Variants in PIN4 observed in about 807,000 individuals in gnomAD.
The protein encoded by PIN4 is peptidylprolyl cis/trans isomerase, NIMA-interacting 4.
Under a neutral mutation model 8.3 loss-of-function variants are expected in PIN4, and 3 were observed. That is an observed-to-expected ratio of 0.36 (90% CI 0.16 to 0.93). The LOEUF (loss-of-function observed/expected upper bound fraction) is 0.93. Ranked by LOEUF, PIN4 falls within the 40% of genes least tolerant of loss-of-function variation. The pLI is 0.44. For synonymous variants in PIN4, 18 were observed against 32.5 expected (o/e 0.55, Z 1.52); for missense variants, 75 against 100.6 (o/e 0.75, Z 1.09).
chrX:72,205,793 A>C, intron 3 of PIN4: 1 of 1,211,203 alleles, frequency 8.3e-7, no homozygotes, highest in African/African-American at 1.7e-5. Flanking sequence ...CTATGCACAA[A>C]CCCTGCTCTG....
intron 3 of PIN4, chrX:72,207,420 T>C (rs1437428725): frequency 8.3e-7 from 1 of 1,209,464 alleles, no homozygotes; most frequent in Non-Finnish European, 1.1e-6. Flanking sequence ...CATCAGTTAC[T>C]TGATCAATAT....
intron 3 of PIN4, among the ~76,000 whole-genome samples, chrX:72,217,652 G>T (rs953169488): frequency 9.0e-6 from 1 of 110,580 alleles, no homozygotes; most frequent in African/African-American, 3.3e-5. Flanking sequence ...AATGTTACTT[G>T]CCCACCCTAG....
At chrX:72,257,362 CTTGTG>C (rs1219706946) in intron 3 of PIN4, among the ~76,000 whole-genome samples, 2 of 109,589 alleles carry the variant, frequency 1.8e-5, no homozygotes, top group Non-Finnish European at 3.8e-5. Flanking sequence ...CGTGATTTGA[CTTGTG>C]TTGTAACAGA....
intron 1 of PIN4, among the ~76,000 whole-genome samples, chrX:72,184,596 A>T (rs1455759169): frequency 9.0e-6 from 1 of 111,631 alleles, no homozygotes; most frequent in African/African-American, 3.3e-5. Context: ...CAGTCAGAAG[A>T]TGACAGCATC....
At chrX:72,219,510 C>T (rs773040141) in intron 3 of PIN4, among the ~76,000 whole-genome samples, 131 of 108,651 alleles carry the variant, frequency 1.2e-3, no homozygotes, top group Non-Finnish European at 2.1e-3. Context: ...GCCGAGATTG[C>T]GCCATTGCAC....
At chrX:72,260,589 T>A (rs2043134457) in intron 3 of PIN4, among the ~76,000 whole-genome samples, 1 of 112,121 alleles carries the variant, frequency 8.9e-6, no homozygotes, top group South Asian at 3.7e-4. Context: ...TCTCTCCAAC[T>A]GCCTCCCAAG....
rs536984895 is a variant in PIN4, at chrX:72,193,292, A to G, written c.118-3493A>G. ...ACTTTGTGAGTATGGAAGCAGAAAC[A>G]AGGAGGCAATCTAGAAGCTGTCTCT... On this transcript the variant is annotated intron_variant, in intron 2 of 3. Transcript: ENST00000373669. Among the ~76,000 whole-genome samples, 11 of 111,405 alleles carry G rather than the reference A, an allele frequency of 9.9e-5. No individual in the cohort carries two copies. In the South Asian group the frequency reaches 4.1e-3, roughly 42 times the overall value.
chrX:72,260,969 G>A (rs781061525), intron 3 of PIN4, among the ~76,000 whole-genome samples: 52 of 111,938 alleles, frequency 4.6e-4, no homozygotes, highest in African/African-American at 1.6e-3. Flanking sequence ...TCCATGAGCT[G>A]CTTTCACCGT....
chrX:72,215,479 T>C, intron 3 of PIN4, among the ~76,000 whole-genome samples: 1 of 111,958 alleles, frequency 8.9e-6, no homozygotes, highest in Middle Eastern at 4.6e-3. Flanking sequence ...GCAATTTACT[T>C]TGAAATGTAT....
intron 3 of PIN4, among the ~76,000 whole-genome samples, chrX:72,256,403 A>C (rs1357571027): frequency 8.9e-6 from 1 of 112,015 alleles, no homozygotes; most frequent in Non-Finnish European, 1.9e-5. Flanking sequence ...GCCAAGGTAT[A>C]GCTCCAATTT....
chrX:72,196,085 C>T (rs991390659), intron 2 of PIN4, among the ~76,000 whole-genome samples: 1 of 110,649 alleles, frequency 9.0e-6, no homozygotes, highest in Non-Finnish European at 1.9e-5. Context: ...CACCACTGCA[C>T]TCCAGCCTGG....
chrX:72,257,058 C>T (rs1007080749), intron 3 of PIN4, among the ~76,000 whole-genome samples: 4 of 112,226 alleles, frequency 3.6e-5, no homozygotes, highest in Non-Finnish European at 7.5e-5. Flanking sequence ...TTGTGGCTCA[C>T]GCCTGTAATC....
At chrX:72,196,700 G>T in intron 2 of PIN4, 85 bp from the exon 3 acceptor site, 3 of 806,640 alleles carry the variant, frequency 3.7e-6, no homozygotes, top group Admixed American at 3.1e-5. Context: ...TTTTTAACTG[G>T]TGGGGGTAAT....
intron 3 of PIN4, among the ~76,000 whole-genome samples, chrX:72,255,036 G>A (rs2043103980): frequency 9.2e-6 from 1 of 108,762 alleles, no homozygotes; most frequent in South Asian, 4.2e-4. Flanking sequence ...GGCAGGCACC[G>A]GCTCAGGGCG....
chrX:72,193,473 TTGA>T (rs961022388), intron 2 of PIN4, among the ~76,000 whole-genome samples: 1 of 110,974 alleles, frequency 9.0e-6, no homozygotes, highest in African/African-American at 3.3e-5. Flanking sequence ...AACAGTGATA[TTGA>T]TGATCCTGAC....
At chrX:72,263,618 T>C (rs1350759795) in exon 4 of PIN4, 1 of 112,007 alleles carries the variant, frequency 8.9e-6, no homozygotes, top group Non-Finnish European at 1.9e-5. Context: ...GGCAGTGATT[T>C]TGAACAAGAG....
chrX:72,206,371 A>G (rs2042820156), intron 3 of PIN4: 3 of 1,208,496 alleles, frequency 2.5e-6, no homozygotes, highest in Non-Finnish European at 2.2e-6. Flanking sequence ...ACCATCTTGC[A>G]AGGTGGTAAC....
intron 3 of PIN4, among the ~76,000 whole-genome samples, chrX:72,222,619 A>G (rs1363820006): frequency 3.5e-5 from 3 of 86,063 alleles, no homozygotes; most frequent in African/African-American, 1.4e-4. Context: ...TTTTTTTTAG[A>G]TGGAGTCTCA....
intron 3 of PIN4, among the ~76,000 whole-genome samples, chrX:72,230,049 C>T (rs924510269): frequency 2.5e-4 from 27 of 109,767 alleles, no homozygotes; most frequent in African/African-American, 8.6e-4. Context: ...GTGGTGGGCG[C>T]CTGTAGTCCC....
Sources: gnomAD v4.1 joint callset for allele counts (sites outside exome capture counted in the v4.1 genomes callset) on GRCh38, gnomAD v4.1.1 for gene constraint, MANE v1.5 for transcripts, NCBI Gene and HGNC (gene_info 2026-07-23, HGNC 2026-07-21) for gene names.